The following ARFIP1 variants were observed in gnomAD, a reference collection of about 807,000 sequenced individuals.
ARFIP1 encodes arfaptin-1.
ARFIP1 carries 24 observed loss-of-function variants against 42.5 expected under a neutral mutation model. The ratio of observed to expected loss-of-function variants is 0.57; its 90% confidence interval spans 0.41 to 0.80. The LOEUF (loss-of-function observed/expected upper bound fraction) is 0.80. Among genes scored for constraint, ARFIP1 ranks in the 30% least tolerant of loss-of-function variants. The probability of loss-of-function intolerance (pLI) is 0.00; values close to 1 mark genes in which losing one functional copy is unlikely to be tolerated. For synonymous variants in ARFIP1, 141 were observed against 153.7 expected (o/e 0.92, Z 0.61); for missense variants, 354 against 434.0 (o/e 0.82, Z 1.64).
chr4:152,791,440 A>C (rs1426635599), intron 1 of ARFIP1, among the ~76,000 whole-genome samples: 1 of 152,206 alleles, frequency 6.6e-6, no homozygotes, highest in East Asian at 1.9e-4. Flanking sequence ...TATTGTAAAC[A>C]AGTCAGTTCA....
At chr4:152,788,801 C>CTTTTTTTT (rs138189664) in intron 1 of ARFIP1, among the ~76,000 whole-genome samples, 21 of 113,414 alleles carry the variant, frequency 1.9e-4, no homozygotes, top group Non-Finnish European at 2.3e-4. Flanking sequence ...TCCCCAATGT[C>CTTTTTTTT]TTTTTTTTTT....
intron 7 of ARFIP1, among the ~76,000 whole-genome samples, chr4:152,883,086 C>T (rs1000844651): frequency 3.3e-5 from 5 of 152,132 alleles, no homozygotes; most frequent in African/African-American, 1.2e-4. Flanking sequence ...CCAAGTTAAG[C>T]CTCAGAAGAA....
chr4:152,804,678 T>G (rs191588420), intron 1 of ARFIP1, among the ~76,000 whole-genome samples: 1 of 150,662 alleles, frequency 6.6e-6, no homozygotes, highest in Non-Finnish European at 1.5e-5. Flanking sequence ...TTCTTATGTG[T>G]GAAGAGTATT....
intron 1 of ARFIP1, among the ~76,000 whole-genome samples, chr4:152,826,326 A>G (rs1192031540): frequency 6.6e-6 from 1 of 152,182 alleles, no homozygotes; most frequent in African/African-American, 2.4e-5. Flanking sequence ...ACTTGGATAG[A>G]ACCAATAATG....
At chr4:152,892,386 A>G (rs1736930925) in intron 8 of ARFIP1, among the ~76,000 whole-genome samples, 2 of 152,124 alleles carry the variant, frequency 1.3e-5, no homozygotes, top group African/African-American at 2.4e-5. Flanking sequence ...ATATCTTTTC[A>G]TAACACTTCT....
At chr4:152,830,271 C>T (rs1032321095) in intron 2 of ARFIP1, among the ~76,000 whole-genome samples, 6 of 152,144 alleles carry the variant, frequency 3.9e-5, no homozygotes, top group Non-Finnish European at 8.8e-5. Flanking sequence ...AGCTATGCCA[C>T]ATTTCTAGCA....
intron 8 of ARFIP1, among the ~76,000 whole-genome samples, chr4:152,890,609 A>G (rs964381068): frequency 1.3e-5 from 2 of 152,182 alleles, no homozygotes; most frequent in Non-Finnish European, 2.9e-5. Flanking sequence ...GCTGCACGAC[A>G]GGGGTCGGAA....
At chr4:152,880,210 G>A (rs183969892) in intron 5 of ARFIP1, among the ~76,000 whole-genome samples, 135 of 152,228 alleles carry the variant, frequency 8.9e-4, no homozygotes, top group Non-Finnish European at 1.5e-3. Context: ...GGGCTTGGTG[G>A]CGCACGCCTG....
intron 2 of ARFIP1, chr4:152,850,791 A>G (rs1467190349): frequency 6.6e-6 from 1 of 152,228 alleles, no homozygotes; most frequent in African/African-American, 2.4e-5. Flanking sequence ...CCTGCCTTCT[A>G]ACAATAGAAT....
At chr4:152,810,433 T>C (rs1238241325) in intron 1 of ARFIP1, 1 of 152,236 alleles carries the variant, frequency 6.6e-6, no homozygotes, top group Admixed American at 6.5e-5. Context: ...CTGTTATCTG[T>C]GCTCTTAAAG....
intron 1 of ARFIP1, among the ~76,000 whole-genome samples, chr4:152,812,479 G>A (rs766757555): frequency 5.3e-5 from 8 of 152,150 alleles, no homozygotes; most frequent in Admixed American, 2.0e-4. Flanking sequence ...GGTGTGAGCC[G>A]CCCCGTCTGG....
At chr4:152,791,716 A>G (rs62318855) in intron 1 of ARFIP1, among the ~76,000 whole-genome samples, 6,599 of 152,258 alleles carry the variant, frequency 0.043, 180 homozygotes, top group South Asian at 0.11. Flanking sequence ...TTTGGGACCT[A>G]CAAATAAGTA....
At chr4:152,839,476 G>A (rs1010097942) in intron 2 of ARFIP1, among the ~76,000 whole-genome samples, 17 of 151,950 alleles carry the variant, frequency 1.1e-4, no homozygotes, top group African/African-American at 4.1e-4. Flanking sequence ...TGATCTGCTC[G>A]GGGTATCAAA....
intron 8 of ARFIP1, among the ~76,000 whole-genome samples, chr4:152,908,309 T>A (rs946137677): frequency 1.3e-5 from 2 of 152,196 alleles, no homozygotes; most frequent in African/African-American, 4.8e-5. Flanking sequence ...TTCATGAATG[T>A]AGCTTATCTT....
At chr4:152,797,284 A>G (rs1169870012) in intron 1 of ARFIP1, among the ~76,000 whole-genome samples, 3 of 152,142 alleles carry the variant, frequency 2.0e-5, no homozygotes, top group Non-Finnish European at 2.9e-5. Flanking sequence ...ATTTCTGGGT[A>G]TATTTGGGTC....
chr4:152,833,452 T>C (rs546415778), intron 2 of ARFIP1, among the ~76,000 whole-genome samples: 1 of 152,328 alleles, frequency 6.6e-6, no homozygotes, highest in Admixed American at 6.5e-5. Flanking sequence ...GAAAACAGTA[T>C]GGCAATTTCT....
intron 5 of ARFIP1, among the ~76,000 whole-genome samples, chr4:152,877,099 T>C (rs2149888564): frequency 1.3e-5 from 2 of 152,302 alleles, no homozygotes; most frequent in South Asian, 4.1e-4. Context: ...GAGTCCCTAC[T>C]GGGGCACCTC....
At chr4:152,803,147 A>G (rs1475628922) in intron 1 of ARFIP1, among the ~76,000 whole-genome samples, 1 of 152,162 alleles carries the variant, frequency 6.6e-6, no homozygotes, top group Non-Finnish European at 1.5e-5. Flanking sequence ...CAGCTAGAGA[A>G]GTAGGTAGAG....
chr4:152,848,013 G>C (rs1396780953), intron 2 of ARFIP1, among the ~76,000 whole-genome samples: 1 of 152,036 alleles, frequency 6.6e-6, no homozygotes. Context: ...CCTGCATAAG[G>C]GTTCTCAGGT....
Sources: allele counts gnomAD v4.1 joint callset (sites outside exome capture counted in the v4.1 genomes callset), GRCh38; gene constraint gnomAD v4.1.1; transcripts MANE v1.5; gene names NCBI Gene and HGNC (gene_info 2026-07-23, HGNC 2026-07-21).